The following CFAP54 variants were observed in gnomAD, a reference collection of about 807,000 sequenced individuals.
CFAP54 encodes cilia- and flagella-associated protein 54.
In CFAP54, 290 loss-of-function variants were observed where a neutral mutation model predicts 370.4. That is an observed-to-expected ratio of 0.78 (90% CI 0.71 to 0.86). CFAP54 has a LOEUF of 0.86. CFAP54 is among the 40% of genes least tolerant of loss of function. CFAP54 has a pLI of 0.00. For missense variants in CFAP54, 3,399 were observed against 3,528.7 expected, an observed-to-expected ratio of 0.96 and a Z score of 0.93; for synonymous variants, 1,206 against 1,236.5, an observed-to-expected ratio of 0.98 and a Z score of 0.52.
At chr12:96,831,464 A>G (rs1383679014) in intron 66 of CFAP54, among the ~76,000 whole-genome samples, 1 of 152,202 alleles carries the variant, frequency 6.6e-6, no homozygotes, top group Non-Finnish European at 1.5e-5. Flanking sequence ...CTTTCACACT[A>G]CAAAAGCAGA....
chr12:96,715,082 T>C (rs960281217), intron 48 of CFAP54, among the ~76,000 whole-genome samples: 3 of 152,094 alleles, frequency 2.0e-5, no homozygotes, highest in South Asian at 2.1e-4. Flanking sequence ...GGTTTCTTCA[T>C]TGGAATAGGA....
chr12:96,681,121 A>C (rs7315048), intron 40 of CFAP54, among the ~76,000 whole-genome samples: 14,283 of 86,798 alleles, frequency 0.16, 1,137 homozygotes, highest in East Asian at 0.58. Context: ...GCACCCCCCC[A>C]CACACACACA....
chr12:96,711,789 C>T (rs1403811370), intron 48 of CFAP54, among the ~76,000 whole-genome samples: 1 of 152,114 alleles, frequency 6.6e-6, no homozygotes, highest in Non-Finnish European at 1.5e-5. Flanking sequence ...CATTGGGATG[C>T]CAGAAGTTAA....
chr12:96,770,296 G>A (rs1274195208), intron 60 of CFAP54, among the ~76,000 whole-genome samples: 1 of 152,048 alleles, frequency 6.6e-6, no homozygotes, highest in Non-Finnish European at 1.5e-5. Context: ...AAGCAGACTT[G>A]TCTTGGTCAA....
rs1957413058 is a variant in CFAP54, at chr12:96,693,777, T to A, written c.6320T>A (p.Ile2107Lys). Reference sequence around the variant, plus strand: ...TTTGTTTCTGGAATTTGTCAAGACATAACAAGAAATCTAGAAGCAAGAATC... The same window carrying A: ...TTTGTTTCTGGAATTTGTCAAGACAAAACAAGAAATCTAGAAGCAAGAATC... ...QYFVSGICQD[I>K]TRNLEARILK... The change falls in exon 45 of 68, where the codon ATA becomes AAA. Residue 2107 changes from isoleucine (I) to lysine (K), a missense_variant. Coordinates refer to ENST00000524981, the MANE Select transcript of CFAP54 (RefSeq NM_001306084.2). The A allele has an allele frequency of 1.9e-6, 3 of 1,599,360 alleles. No individual in the cohort carries two copies. The highest frequency in any genetic ancestry group is 2.7e-5 in the African/African-American group (2 of 74,680).
intron 26 of CFAP54, among the ~76,000 whole-genome samples, chr12:96,614,390 A>T (rs914832926): frequency 2.0e-5 from 3 of 152,212 alleles, no homozygotes; most frequent in South Asian, 4.1e-4. Context: ...ATTTATGACA[A>T]ACCCACAGCC....
intron 62 of CFAP54, among the ~76,000 whole-genome samples, chr12:96,788,482 A>T (rs1043078045): frequency 1.3e-5 from 2 of 151,808 alleles, no homozygotes; most frequent in African/African-American, 4.8e-5. Flanking sequence ...TTACCATTGA[A>T]CTCTTTAATT....
chr12:96,529,518 A>C (rs1955418150), intron 9 of CFAP54, among the ~76,000 whole-genome samples: 1 of 152,064 alleles, frequency 6.6e-6, no homozygotes, highest in Admixed American at 6.6e-5. Context: ...TCTGACACTT[A>C]GTATTATCTG....
intron 21 of CFAP54, 81 bp from the exon 22 acceptor site, chr12:96,580,839 A>G (rs552382914): frequency 1.7e-6 from 2 of 1,187,054 alleles, no homozygotes; most frequent in East Asian, 2.8e-5. Flanking sequence ...TTTTTTTAAT[A>G]GAAGGTTTAC....
rs1199667463 is a variant in CFAP54 at position 96,765,175 on chromosome 12, T to C, written c.8238T>C (p.Phe2746=). The stretch of plus-strand genomic sequence containing the variant: ...TGGCATTACCAAATATCCCAGAATT[T>C]GCTGCTCTGGATCTTTTGTCTTCGT... ...NQVALPNIPE[F]AALDLLSSYT... Residue 2746 remains phenylalanine (F), a synonymous_variant, in exon 60 of 68, where the codon TTT becomes TTC. Transcript: ENST00000524981. The C allele has an allele frequency of 6.5e-7, 1 of 1,543,268 alleles. No individual in the cohort carries two copies. The highest frequency in any genetic ancestry group is 1.3e-5 in the African/African-American group (1 of 74,512).
chr12:96,688,245 T>A (rs1230048018), intron 42 of CFAP54, among the ~76,000 whole-genome samples: 1 of 152,214 alleles, frequency 6.6e-6, no homozygotes, highest in Non-Finnish European at 1.5e-5. Context: ...ATGAAAGAGT[T>A]GTAAATGGAG....
intron 30 of CFAP54, among the ~76,000 whole-genome samples, chr12:96,629,385 G>A (rs1390639139): frequency 1.3e-5 from 2 of 151,688 alleles, no homozygotes; most frequent in African/African-American, 4.8e-5. Context: ...CTCACTGCAA[G>A]CTCCACCTCC....
chr12:96,732,454 A>G (rs1460324477), intron 50 of CFAP54, among the ~76,000 whole-genome samples: 6 of 152,156 alleles, frequency 3.9e-5, no homozygotes, highest in Admixed American at 3.3e-4. Flanking sequence ...GTTTTTTATT[A>G]AACAAGACAT....
intron 17 of CFAP54, among the ~76,000 whole-genome samples, chr12:96,555,446 TAAAG>T (rs924498728): frequency 2.4e-4 from 37 of 151,224 alleles, no homozygotes; most frequent in African/African-American, 9.0e-4. Context: ...ATAAGAAAAA[TAAAG>T]ATATAAGGAT....
intron 41 of CFAP54, 93 bp from the exon 42 acceptor site, chr12:96,684,936 C>T (rs760653633): frequency 1.1e-5 from 13 of 1,180,458 alleles, no homozygotes; most frequent in East Asian, 4.9e-5. Flanking sequence ...TGTTAATTGA[C>T]GTTGCTTCGG....
intron 58 of CFAP54, among the ~76,000 whole-genome samples, chr12:96,758,611 A>G (rs947737995): frequency 6.6e-6 from 1 of 152,148 alleles, no homozygotes; most frequent in East Asian, 1.9e-4. Context: ...TAGGTAGTGA[A>G]ATTTGGAGCT....
Position 96,685,018 on chromosome 12 carries a change from C to T in CFAP54, c.5805-11C>T, listed in dbSNP as rs749833894. The T allele has an allele frequency of 2.4e-5, 38 of 1,612,564 alleles. No homozygotes were observed. The East Asian group carries it at 3.3e-4, about 14-fold the overall frequency. On this transcript the variant is annotated splice_polypyrimidine_tract_variant and intron_variant, in intron 41 of 67. Coordinates refer to ENST00000524981, the MANE Select transcript of CFAP54 (RefSeq NM_001306084.2). The stretch of plus-strand genomic sequence containing the variant: ...GAAAACTTACTGCTTGATGCTTTGT[C>T]TCTGTTTTAGGGCTGCTTTTAAGTG...
chr12:96,496,807 C>T (rs985072936), intron 1 of CFAP54, among the ~76,000 whole-genome samples: 1 of 152,000 alleles, frequency 6.6e-6, no homozygotes, highest in Non-Finnish European at 1.5e-5. Context: ...TATATAATTT[C>T]TGAGGGAGAG....
chr12:96,743,304 A>G lies in CFAP54; in HGVS notation c.7220-98A>G, dbSNP rs1184542463. 6 of 1,182,300 alleles carry G rather than the reference A, an allele frequency of 5.1e-6. No homozygotes were observed. In the South Asian group the frequency reaches 8.9e-5, roughly 18 times the overall value. 73.2% of individuals were successfully genotyped at this position (1,182,300 alleles called of 1,614,324 possible). On this transcript the variant is annotated intron_variant, in intron 52 of 67. Transcript: ENST00000524981. ...TTAATATACTCCCCTGTTCTTTGATATTACACAATATTTCTGTGATGAAAA... is the reference window on the plus strand; with the variant it reads ...TTAATATACTCCCCTGTTCTTTGATGTTACACAATATTTCTGTGATGAAAA...
Sources: gnomAD v4.1 joint callset for allele counts (sites outside exome capture counted in the v4.1 genomes callset) on GRCh38, gnomAD v4.1.1 for gene constraint, MANE v1.5 for transcripts, NCBI Gene and HGNC (gene_info 2026-07-23, HGNC 2026-07-21) for gene names.